IQUB: variants seen among roughly 807,000 people sequenced by gnomAD.
IQUB encodes the protein IQ motif and ubiquitin domain containing, also known as IQ motif and ubiquitin-like domain-containing protein.
In IQUB, 86 loss-of-function variants were observed where a neutral mutation model predicts 86.4. That is an observed-to-expected ratio of 1.00 (90% CI 0.84 to 1.19). The LOEUF is 1.19. IQUB is among the 50% of genes most tolerant of loss of function. The pLI is 0.00. For synonymous variants in IQUB, 289 were observed against 304.5 expected, an observed-to-expected ratio of 0.95 and a Z score of 0.53; for missense variants, 946 against 916.9, an observed-to-expected ratio of 1.03 and a Z score of -0.41.
At chr7:123,493,721 A>G (rs1353117844) in intron 7 of IQUB, among the ~76,000 whole-genome samples, 2 of 128,346 alleles carry the variant, frequency 1.6e-5, no homozygotes, top group African/African-American at 6.1e-5. Context: ...CCTGAGAGAA[A>G]TGTGTGTGTA....
chr7:123,505,660 C>T (rs1158056573), intron 3 of IQUB, among the ~76,000 whole-genome samples: 2 of 152,172 alleles, frequency 1.3e-5, no homozygotes, highest in Admixed American at 1.3e-4. Context: ...CCAAACGGCC[C>T]TGGGCCTAGC....
intron 1 of IQUB, among the ~76,000 whole-genome samples, chr7:123,523,289 CA>C (rs1490027320): frequency 7.4e-6 from 1 of 135,944 alleles, no homozygotes; most frequent in African/African-American, 2.7e-5. Context: ...CTGACTTCCA[CA>C]ATGGTCAAAC....
Position 123,506,192 on chromosome 7 carries a change from T to G in IQUB, c.533-2829A>C, listed in dbSNP as rs149233059. On this transcript the variant is annotated intron_variant, in intron 3 of 12. Coordinates refer to ENST00000324698, the MANE Select transcript of IQUB (RefSeq NM_178827.5). Reference sequence around the variant, plus strand: ...TTCAGCCTTGACTCTACTGTCCATATCACTATCAGCATTTTGGTCACAACA... The same window carrying G: ...TTCAGCCTTGACTCTACTGTCCATAGCACTATCAGCATTTTGGTCACAACA... Among the ~76,000 whole-genome samples, 1,234 of 152,292 alleles carry G rather than the reference T, an allele frequency of 8.1e-3. 14 individuals are homozygous for G. The highest frequency in any genetic ancestry group is 0.028 in the African/African-American group (1,178 of 41,554).
chr7:123,473,887 G>GT (rs1226445781), intron 8 of IQUB, among the ~76,000 whole-genome samples: 1 of 151,926 alleles, frequency 6.6e-6, no homozygotes, highest in Non-Finnish European at 1.5e-5. Flanking sequence ...GCCCAGCCAA[G>GT]TTTTTAATAT....
At chr7:123,528,201 CTGCGCCCACTGTCT>C (rs1797355245) in intron 1 of IQUB, among the ~76,000 whole-genome samples, 1 of 152,170 alleles carries the variant, frequency 6.6e-6, no homozygotes, top group African/African-American at 2.4e-5. Flanking sequence ...ACCCACTGAC[CTGCGCCCACTGTCT>C]GGCACTCCCT....
chr7:123,506,109 A>T (rs1027697403), intron 3 of IQUB, among the ~76,000 whole-genome samples: 1 of 152,222 alleles, frequency 6.6e-6, no homozygotes, highest in African/African-American at 2.4e-5. Flanking sequence ...GCTAAAGCAT[A>T]GCACGTGTGA....
intron 7 of IQUB, among the ~76,000 whole-genome samples, chr7:123,487,528 C>T (rs1795262354): frequency 6.6e-6 from 1 of 152,198 alleles, no homozygotes; most frequent in Non-Finnish European, 1.5e-5. Flanking sequence ...GACATTCTGT[C>T]TTAAATCATA....
chr7:123,489,961 A>G (rs1385040853), intron 7 of IQUB, among the ~76,000 whole-genome samples: 1 of 152,010 alleles, frequency 6.6e-6, no homozygotes, highest in East Asian at 1.9e-4. Flanking sequence ...ACAGATAAGT[A>G]TAAAAAAGAA....
chr7:123,485,353 A>G (rs1271810170), intron 7 of IQUB, among the ~76,000 whole-genome samples: 1 of 152,066 alleles, frequency 6.6e-6, no homozygotes, highest in Non-Finnish European at 1.5e-5. Flanking sequence ...ATTAAGGCCA[A>G]CCTGTATGAC....
intron 8 of IQUB, among the ~76,000 whole-genome samples, chr7:123,473,284 T>C (rs1794612106): frequency 6.6e-6 from 1 of 152,170 alleles, no homozygotes; most frequent in Non-Finnish European, 1.5e-5. Flanking sequence ...TCCTGCCCCA[T>C]TAACTGTTAG....
chr7:123,453,282 A>ATATATATAT (rs1440530619), intron 12 of IQUB, among the ~76,000 whole-genome samples: 3 of 145,854 alleles, frequency 2.1e-5, no homozygotes, highest in East Asian at 4.0e-4. Flanking sequence ...ATATATATAT[A>ATATATATAT]TATTATTAAT....
At chr7:123,466,404 T>C (rs1584556681) in intron 9 of IQUB, among the ~76,000 whole-genome samples, 1 of 152,148 alleles carries the variant, frequency 6.6e-6, no homozygotes, top group African/African-American at 2.4e-5. Flanking sequence ...TTTGCCAATC[T>C]GGTCTTTTTA....
At chr7:123,468,768 T>C (rs1794378751) in intron 9 of IQUB, among the ~76,000 whole-genome samples, 1 of 152,220 alleles carries the variant, frequency 6.6e-6, no homozygotes, top group Non-Finnish European at 1.5e-5. Context: ...TGAGTTTGTT[T>C]CTTGTTTCTT....
At position 123,527,277 on chromosome 7, in the gene IQUB, G is replaced by A. The variant is rs146234021; in HGVS notation, c.-5+7215C>T. On this transcript the variant is annotated intron_variant, in intron 1 of 12. Coordinates refer to ENST00000324698, the MANE Select transcript of IQUB (RefSeq NM_178827.5). Reference sequence around the variant, plus strand: ...TGGTTTGAATTTCCTCCTGTAGCTCGGAGTAATTTGATCGTCTGAAGCCTT... The same window carrying A: ...TGGTTTGAATTTCCTCCTGTAGCTCAGAGTAATTTGATCGTCTGAAGCCTT... 8.1e-3 allele frequency among the ~76,000 whole-genome samples: 1,234 copies of A among 152,184 alleles called. 14 individuals are homozygous for A. Among genetic ancestry groups the A allele is most frequent in the African/African-American group, 0.028 (1,177 of 41,520 alleles).
intron 1 of IQUB, among the ~76,000 whole-genome samples, chr7:123,522,722 C>G (rs1796964283): frequency 6.6e-6 from 1 of 151,966 alleles, no homozygotes; most frequent in Non-Finnish European, 1.5e-5. Flanking sequence ...TATTATTATA[C>G]TTTAAGTTTT....
chr7:123,513,373 C>T (rs1338030105), intron 1 of IQUB, among the ~76,000 whole-genome samples: 1 of 151,838 alleles, frequency 6.6e-6, no homozygotes, highest in Admixed American at 6.6e-5. Context: ...ATGATGCAAA[C>T]AGATAAGATA....
chr7:123,462,560 A>C (rs1363035552), intron 10 of IQUB: 1 of 207,184 alleles, frequency 4.8e-6, no homozygotes, highest in Admixed American at 5.2e-5. Flanking sequence ...GGAGATAAGA[A>C]AATATGTAAA....
chr7:123,508,887 C>A (rs750823002), intron 3 of IQUB, among the ~76,000 whole-genome samples: 8 of 152,070 alleles, frequency 5.3e-5, no homozygotes, highest in Non-Finnish European at 7.4e-5. Flanking sequence ...ATAATGTAGG[C>A]AAAACATTTT....
intron 1 of IQUB, among the ~76,000 whole-genome samples, chr7:123,527,476 T>G (rs1349120298): frequency 6.6e-6 from 1 of 152,214 alleles, no homozygotes; most frequent in Non-Finnish European, 1.5e-5. Flanking sequence ...ATGATGGTGA[T>G]GTACAGATGG....
Sources: gnomAD v4.1 joint callset for allele counts (sites outside exome capture counted in the v4.1 genomes callset) on GRCh38, gnomAD v4.1.1 for gene constraint, MANE v1.5 for transcripts, NCBI Gene and HGNC (gene_info 2026-07-23, HGNC 2026-07-21) for gene names.